The following PRPSAP1 variants were observed in gnomAD, a reference collection of about 807,000 sequenced individuals.
PRPSAP1 encodes the protein phosphoribosyl pyrophosphate synthase-associated protein 1.
Under a neutral mutation model 39.4 loss-of-function variants are expected in PRPSAP1, and 31 were observed. The observed-to-expected ratio is 0.79, with a 90% CI of 0.59 to 1.06. PRPSAP1 has a LOEUF of 1.06. Ranked by LOEUF, PRPSAP1 falls within the 50% of genes least tolerant of loss-of-function variation. PRPSAP1 has a pLI of 0.00. For synonymous variants in PRPSAP1, 212 were observed against 192.6 expected (o/e 1.10, Z -0.83); for missense variants, 430 against 511.6 (o/e 0.84, Z 1.54).
At chr17:76,320,317 A>AAAGGG (rs2071178093) in intron 7 of PRPSAP1, among the ~76,000 whole-genome samples, 2 of 127,500 alleles carry the variant, frequency 1.6e-5, no homozygotes, top group African/African-American at 6.5e-5. Context: ...GGAAGGGAGG[A>AAAGGG]AGGGAAGAAG....
At chr17:76,318,324 C>T (rs1054707865) in intron 7 of PRPSAP1, among the ~76,000 whole-genome samples, 1 of 152,250 alleles carries the variant, frequency 6.6e-6, no homozygotes, top group East Asian at 1.9e-4. Context: ...GTGTCAAGCA[C>T]CTGTAATCCC....
intron 1 of PRPSAP1, chr17:76,352,975 GCAGGGTCAGGC>G (rs1236181189): frequency 6.6e-6 from 1 of 152,534 alleles, no homozygotes; most frequent in Non-Finnish European, 1.5e-5. Flanking sequence ...GATTTACAAA[GCAGGGTCAGGC>G]CTGTCATTTC....
chr17:76,327,337 G>A (rs1027695572), intron 7 of PRPSAP1, among the ~76,000 whole-genome samples: 6 of 146,682 alleles, frequency 4.1e-5, no homozygotes, highest in Non-Finnish European at 9.0e-5. Context: ...GACAGAACGA[G>A]TTCAGTCTCA....
chr17:76,321,257 A>C (rs1052378245), intron 7 of PRPSAP1, among the ~76,000 whole-genome samples: 1 of 152,036 alleles, frequency 6.6e-6, no homozygotes, highest in Admixed American at 6.6e-5. Context: ...CCATGCTCAT[A>C]TAAGATAGCA....
chr17:76,310,659 G>C lies in PRPSAP1; in HGVS notation c.*883C>G, dbSNP rs1161325463. 6.6e-6 allele frequency: 1 copy of C among 151,806 alleles called. No individual in the cohort carries two copies. Among genetic ancestry groups the C allele is most frequent in the East Asian group, 1.9e-4 (1 of 5,176 alleles). 9.4% of individuals were successfully genotyped at this position (151,806 alleles called of 1,614,324 possible). On this transcript the variant is annotated 3_prime_UTR_variant, in exon 10 of 10. Coordinates refer to ENST00000446526, the MANE Select transcript of PRPSAP1 (RefSeq NM_002766.3). The stretch of plus-strand genomic sequence containing the variant: ...ATTTTTGTATTTTTTGTAGACATGG[G>C]GGTTTCGCCATGTTTCCCAGGCTGG...
chr17:76,342,020 A>G (rs2071444646), intron 3 of PRPSAP1, among the ~76,000 whole-genome samples: 1 of 152,052 alleles, frequency 6.6e-6, no homozygotes, highest in African/African-American at 2.4e-5. Context: ...CAAAACCAAA[A>G]CTGTTGGAGA....
intron 3 of PRPSAP1, among the ~76,000 whole-genome samples, chr17:76,343,854 TAAAC>T (rs1388548039): frequency 6.6e-6 from 1 of 151,950 alleles, no homozygotes. Context: ...TGGAGAGAAG[TAAAC>T]AGGTAACAGT....
At chr17:76,329,092 G>C (rs1037400951) in intron 6 of PRPSAP1, 16 of 404,596 alleles carry the variant, frequency 4.0e-5, no homozygotes, top group African/African-American at 3.1e-4. Context: ...TTTTTTTTGA[G>C]ACAAGGTCTC....
chr17:76,331,869 G>A (rs2071325447), intron 4 of PRPSAP1, among the ~76,000 whole-genome samples: 1 of 152,088 alleles, frequency 6.6e-6, no homozygotes, highest in Non-Finnish European at 1.5e-5. Flanking sequence ...GGGTGGGGGA[G>A]AGGGAGTAAA....
intron 7 of PRPSAP1, among the ~76,000 whole-genome samples, chr17:76,317,179 T>G (rs2071133284): frequency 6.6e-6 from 1 of 152,032 alleles, no homozygotes; most frequent in Admixed American, 6.6e-5. Flanking sequence ...GCAAAACCCC[T>G]TCTCTACTAA....
At chr17:76,325,594 G>C (rs558285265) in intron 7 of PRPSAP1, among the ~76,000 whole-genome samples, 2 of 133,944 alleles carry the variant, frequency 1.5e-5, no homozygotes, top group African/African-American at 6.5e-5. Flanking sequence ...TCAGATGACT[G>C]CTAATTTTTT....
chr17:76,331,534 A>G (rs905193984), intron 4 of PRPSAP1, among the ~76,000 whole-genome samples: 13 of 152,202 alleles, frequency 8.5e-5, no homozygotes, highest in Non-Finnish European at 1.2e-4. Context: ...TTAGGTATTT[A>G]TAAATAATCT....
At position 76,317,472 on chromosome 17, in the gene PRPSAP1, T is replaced by C. The variant is rs1408852147; in HGVS notation, c.782-3581A>G. 2.6e-5 allele frequency among the ~76,000 whole-genome samples: 4 copies of C among 152,140 alleles called. No individual in the cohort carries two copies. The South Asian group carries it at 6.2e-4, about 24-fold the overall frequency. On this transcript the variant is annotated intron_variant, in intron 7 of 9. Coordinates refer to ENST00000446526, the MANE Select transcript of PRPSAP1 (RefSeq NM_002766.3). Reference sequence around the variant, plus strand: ...CCGGGAGGTGGAGGATGCAGTGGGCTGAGATCGCCCACTGCACTCTAGCCT... The same window carrying C: ...CCGGGAGGTGGAGGATGCAGTGGGCCGAGATCGCCCACTGCACTCTAGCCT...
chr17:76,335,702 G>A (rs1302889455), intron 3 of PRPSAP1, among the ~76,000 whole-genome samples: 1 of 152,168 alleles, frequency 6.6e-6, no homozygotes, highest in South Asian at 2.1e-4. Context: ...CAATACACAA[G>A]TGGACCAAGT....
intron 2 of PRPSAP1, among the ~76,000 whole-genome samples, chr17:76,347,716 G>A (rs2071525600): frequency 6.6e-6 from 1 of 152,048 alleles, no homozygotes; most frequent in African/African-American, 2.4e-5. Flanking sequence ...ACTGTGTGAA[G>A]AAAACCGTGG....
rs2071283401 is a variant in PRPSAP1, at chr17:76,328,802, C to A, written c.696G>T (p.Gln232His). 5 of 1,614,052 alleles carry A rather than the reference C, an allele frequency of 3.1e-6. No homozygotes were observed. The highest frequency in any genetic ancestry group is 4.2e-6 in the Non-Finnish European group (5 of 1,180,052). ...CATCGTCCATGTCCAGTTCCGTGCA[C>A]TGAGCTTCCCCGTGAATGACGGCCA... ...LGLAVIHGEA[Q>H]CTELDMDDGR... Residue 232 changes from glutamine to histidine, a missense_variant, in exon 7 of 10, where the codon CAG (glutamine) becomes CAT (histidine). Gln to His is a conservative substitution (Grantham distance 24). Coordinates refer to ENST00000446526, the MANE Select transcript of PRPSAP1 (RefSeq NM_002766.3).
In PRPSAP1 at chr17:76,333,519, C is replaced by T. The variant is rs1353816151; in HGVS notation, c.291-1084G>A. Reference sequence around the variant, plus strand: ...AATTAGCCAGGTGTGGTGGCACGTGCCTGTAGTCCCAGCTACTGGGGAGGC... The same window carrying T: ...AATTAGCCAGGTGTGGTGGCACGTGTCTGTAGTCCCAGCTACTGGGGAGGC... On this transcript the variant is annotated intron_variant, in intron 3 of 9. Transcript: ENST00000446526. 4.6e-5 allele frequency among the ~76,000 whole-genome samples: 7 copies of T among 151,974 alleles called. No individual in the cohort carries two copies. The South Asian group carries it at 8.3e-4, about 18-fold the overall frequency.
rs995221851 is a variant in PRPSAP1 at position 76,330,081 on chromosome 17, A to G, written c.597T>C (p.Asn199=). The change falls in exon 6 of 10, where the codon AAT becomes AAC. Residue 199 remains asparagine (N), a synonymous_variant. Coordinates refer to ENST00000446526, the MANE Select transcript of PRPSAP1 (RefSeq NM_002766.3). ...YIQEEIPNYR[N]AVIVAKSPDA... ...CAGGAGACTTAGCTACAATGACTGC[A>G]TTTCTGTAATTTGGAATCTAGATTT... is the stretch of plus-strand genomic sequence containing the variant. 2 of 1,613,436 alleles carry G rather than the reference A, an allele frequency of 1.2e-6. No individual in the cohort carries two copies. Among genetic ancestry groups the G allele is most frequent in the Non-Finnish European group, 1.7e-6 (2 of 1,179,368 alleles).
intron 3 of PRPSAP1, among the ~76,000 whole-genome samples, chr17:76,336,602 C>T (rs1210168823): frequency 2.0e-5 from 3 of 149,268 alleles, no homozygotes; most frequent in Admixed American, 6.7e-5. Context: ...CATGGTGGTG[C>T]ATGCCTGTAA....
Sources: gnomAD v4.1 joint callset for allele counts (sites outside exome capture counted in the v4.1 genomes callset) on GRCh38, gnomAD v4.1.1 for gene constraint, MANE v1.5 for transcripts, NCBI Gene and HGNC (gene_info 2026-07-23, HGNC 2026-07-21) for gene names.